UNC5D: variants seen among roughly 807,000 people sequenced by gnomAD.
UNC5D encodes unc-5 netrin receptor D, also known as netrin receptor UNC5D.
In UNC5D, 39 loss-of-function variants were observed where a neutral mutation model predicts 105.4. That is an observed-to-expected ratio of 0.37 (90% CI 0.29 to 0.48). The LOEUF (loss-of-function observed/expected upper bound fraction) is 0.48. Among genes scored for constraint, UNC5D ranks in the 20% least tolerant of loss-of-function variants. The pLI is 0.98. For synonymous variants in UNC5D, 452 were observed against 450.4 expected (o/e 1.00, Z -0.04); for missense variants, 991 against 1,202.4 (o/e 0.82, Z 2.60).
chr8:35,595,500 T>A, intron 3 of UNC5D, 54 bp from the exon 4 acceptor site: 1 of 1,556,976 alleles, frequency 6.4e-7, no homozygotes, highest in East Asian at 2.2e-5. Context: ...TGGACCAAAT[T>A]TGAATAACAC....
intron 1 of UNC5D, among the ~76,000 whole-genome samples, chr8:35,473,713 T>C (rs1487936519): frequency 6.6e-6 from 1 of 152,128 alleles, no homozygotes; most frequent in Admixed American, 6.5e-5. Flanking sequence ...TAAGTAAAAA[T>C]CTAACATATG....
chr8:35,622,302 A>G (rs533135680), intron 4 of UNC5D, among the ~76,000 whole-genome samples: 156 of 152,294 alleles, frequency 1.0e-3, no homozygotes, highest in African/African-American at 3.5e-3. Context: ...CAATCGCACC[A>G]CTGCACTCCA....
chr8:35,552,037 C>T (rs1563527604), intron 2 of UNC5D, among the ~76,000 whole-genome samples: 1 of 152,120 alleles, frequency 6.6e-6, no homozygotes, highest in Non-Finnish European at 1.5e-5. Context: ...AAATTCAAAA[C>T]TCCAAAAAGG....
At chr8:35,605,137 C>T (rs974225563) in intron 4 of UNC5D, among the ~76,000 whole-genome samples, 13 of 152,120 alleles carry the variant, frequency 8.5e-5, no homozygotes, top group Admixed American at 3.9e-4. Context: ...TTAGAGTTTC[C>T]GGTTTTTCTG....
intron 4 of UNC5D, among the ~76,000 whole-genome samples, chr8:35,640,238 T>C (rs1586314275): frequency 6.6e-6 from 1 of 152,254 alleles, no homozygotes; most frequent in East Asian, 1.9e-4. Context: ...GGCCAAATAT[T>C]TTCCTGCTCT....
intron 1 of UNC5D, among the ~76,000 whole-genome samples, chr8:35,293,266 A>G (rs1201481975): frequency 6.6e-6 from 1 of 151,966 alleles, no homozygotes; most frequent in Non-Finnish European, 1.5e-5. Flanking sequence ...ATTTATCTGA[A>G]TTTTTGCTTT....
At chr8:35,635,197 C>T (rs1822287041) in intron 4 of UNC5D, among the ~76,000 whole-genome samples, 1 of 152,150 alleles carries the variant, frequency 6.6e-6, no homozygotes, top group South Asian at 2.1e-4. Flanking sequence ...TTATTCTCTT[C>T]TTTCCTTGAC....
At chr8:35,612,534 T>C (rs957566945) in intron 4 of UNC5D, among the ~76,000 whole-genome samples, 1 of 151,938 alleles carries the variant, frequency 6.6e-6, no homozygotes, top group East Asian at 1.9e-4. Flanking sequence ...CTTCTTCAAA[T>C]GGCTAAAAAC....
intron 1 of UNC5D, among the ~76,000 whole-genome samples, chr8:35,275,397 C>T (rs1805707942): frequency 6.6e-6 from 1 of 151,896 alleles, no homozygotes; most frequent in Admixed American, 6.6e-5. Context: ...AAAAAAATTC[C>T]ATAAATATAA....
intron 13 of UNC5D, among the ~76,000 whole-genome samples, chr8:35,755,502 TCAAA>T (rs1830477568): frequency 1.4e-5 from 2 of 141,090 alleles, no homozygotes; most frequent in South Asian, 2.2e-4. Flanking sequence ...GTGTGTAAGT[TCAAA>T]CAGTTTTGTC....
At chr8:35,303,526 T>C (rs1021027265) in intron 1 of UNC5D, among the ~76,000 whole-genome samples, 1 of 152,172 alleles carries the variant, frequency 6.6e-6, no homozygotes, top group African/African-American at 2.4e-5. Flanking sequence ...GGAACCAACA[T>C]TTAAATCTGA....
intron 1 of UNC5D, among the ~76,000 whole-genome samples, chr8:35,477,864 A>C (rs924436524): frequency 1.3e-5 from 2 of 152,150 alleles, no homozygotes; most frequent in African/African-American, 4.8e-5. Context: ...ACTCTTATTG[A>C]GTTTCTATTT....
chr8:35,549,495 C>G lies in UNC5D; in HGVS notation c.307C>G (p.Leu103Val). Residue 103 changes from leucine to valine, a missense_variant, in exon 2 of 17, where the codon CTG (leucine) becomes GTG (valine). Coordinates refer to ENST00000404895, the MANE Select transcript of UNC5D (RefSeq NM_080872.4). The part of the protein sequence containing the change: ...HQNEHVSEET[L>V]DESSGLKVRE... Reference sequence around the variant, plus strand: ...GAACGAGCACGTCTCTGAAGAGACTCTGGACGAGAGCTCAGGTAGGAGCGT... The same window carrying G: ...GAACGAGCACGTCTCTGAAGAGACTGTGGACGAGAGCTCAGGTAGGAGCGT... The G allele has an allele frequency of 6.2e-7, 1 of 1,611,838 alleles. No homozygotes were observed. The highest frequency in any genetic ancestry group is 8.5e-7 in the Non-Finnish European group (1 of 1,179,794).
chr8:35,457,890 A>G (rs1808603274), intron 1 of UNC5D, among the ~76,000 whole-genome samples: 2 of 152,180 alleles, frequency 1.3e-5, no homozygotes, highest in African/African-American at 4.8e-5. Context: ...AAAATAGCAC[A>G]GTGGTCTTGG....
At chr8:35,375,688 TTC>T (rs1346832848) in intron 1 of UNC5D, among the ~76,000 whole-genome samples, 1 of 152,246 alleles carries the variant, frequency 6.6e-6, no homozygotes, top group African/African-American at 2.4e-5. Context: ...GAGAATTTTC[TTC>T]TCTTATCCAA....
chr8:35,533,108 A>C (rs1461516900), intron 1 of UNC5D, among the ~76,000 whole-genome samples: 1 of 151,480 alleles, frequency 6.6e-6, no homozygotes, highest in Non-Finnish European at 1.5e-5. Flanking sequence ...GTTCCTTTGG[A>C]GGAGGAGAGG....
At chr8:35,511,474 TA>T (rs60185539) in intron 1 of UNC5D, among the ~76,000 whole-genome samples, 1,074 of 96,914 alleles carry the variant, frequency 0.011, 5 homozygotes, top group African/African-American at 0.012. Flanking sequence ...CCTCTAAGAT[TA>T]AAAAAAAAAA....
intron 4 of UNC5D, among the ~76,000 whole-genome samples, chr8:35,658,801 G>A (rs1362620727): frequency 6.6e-6 from 1 of 152,068 alleles, no homozygotes; most frequent in African/African-American, 2.4e-5. Flanking sequence ...ACAGGCGACT[G>A]ATACCACACC....
intron 4 of UNC5D, among the ~76,000 whole-genome samples, chr8:35,623,801 C>T (rs1821514154): frequency 2.0e-5 from 3 of 152,158 alleles, no homozygotes; most frequent in Non-Finnish European, 1.5e-5. Context: ...AATTTCATGG[C>T]CGGGCGCAGT....
Sources: allele counts gnomAD v4.1 joint callset (sites outside exome capture counted in the v4.1 genomes callset), GRCh38; gene constraint gnomAD v4.1.1; transcripts MANE v1.5; gene names NCBI Gene and HGNC (gene_info 2026-07-23, HGNC 2026-07-21).